The following NRXN3 variants were observed in gnomAD, a reference collection of about 807,000 sequenced individuals.
NRXN3 encodes neurexin III.
NRXN3 carries 32 observed loss-of-function variants against 137.6 expected under a neutral mutation model. The ratio of observed to expected loss-of-function variants is 0.23; its 90% CI spans 0.18 to 0.31. The LOEUF (loss-of-function observed/expected upper bound fraction) is 0.31. Among genes scored for constraint, NRXN3 ranks in the 10% least tolerant of loss-of-function variants. The pLI, the probability that NRXN3 is intolerant of heterozygous loss-of-function variation, is 1.00. For missense variants in NRXN3, 1,574 were observed against 2,062.5 expected, an observed-to-expected ratio of 0.76 and a Z score of 4.59; for synonymous variants, 798 against 784.5, an observed-to-expected ratio of 1.02 and a Z score of -0.29.
chr14:78,316,559 A>G (rs1368292144), intron 4 of NRXN3, among the ~76,000 whole-genome samples: 1 of 152,164 alleles, frequency 6.6e-6, no homozygotes, highest in Non-Finnish European at 1.5e-5. Flanking sequence ...TTGGAGGAGA[A>G]GGGAGCTGGG....
At chr14:78,239,479 A>G (rs560804722) in intron 1 of NRXN3, among the ~76,000 whole-genome samples, 2 of 152,124 alleles carry the variant, frequency 1.3e-5, no homozygotes, top group Non-Finnish European at 2.9e-5. Flanking sequence ...AAGGAATCAT[A>G]TTCTTAGAAA....
chr14:79,298,108 C>G (rs571006123), intron 15 of NRXN3, among the ~76,000 whole-genome samples: 3 of 152,020 alleles, frequency 2.0e-5, no homozygotes, highest in Admixed American at 6.6e-5. Flanking sequence ...AGTCCTGAAT[C>G]CTTTATTTCT....
intron 15 of NRXN3, among the ~76,000 whole-genome samples, chr14:79,221,235 G>A (rs1472303446): frequency 2.0e-5 from 3 of 152,096 alleles, no homozygotes; most frequent in Non-Finnish European, 4.4e-5. Flanking sequence ...TATCTTTATA[G>A]TAGAATCATT....
chr14:79,353,493 T>C (rs2093307620), intron 15 of NRXN3, among the ~76,000 whole-genome samples: 2 of 152,112 alleles, frequency 1.3e-5, no homozygotes, highest in African/African-American at 2.4e-5. Flanking sequence ...ATTTGAACTT[T>C]AGGAATCAAG....
At chr14:78,662,446 G>A (rs141730423) in intron 6 of NRXN3, among the ~76,000 whole-genome samples, 3 of 152,166 alleles carry the variant, frequency 2.0e-5, no homozygotes, top group East Asian at 1.9e-4. Flanking sequence ...TCTAGTGAGT[G>A]GAAGCTGGGT....
At chr14:79,227,755 T>TC in intron 15 of NRXN3, among the ~76,000 whole-genome samples, 1 of 98,538 alleles carries the variant, frequency 1.0e-5, no homozygotes, top group East Asian at 3.3e-4. Context: ...CCTTCCTTCC[T>TC]TCCTTCCTTC....
chr14:78,237,032 G>C (rs1289202436), intron 1 of NRXN3, among the ~76,000 whole-genome samples: 1 of 152,164 alleles, frequency 6.6e-6, no homozygotes, highest in Non-Finnish European at 1.5e-5. Context: ...TGAGGTTCTT[G>C]TATAAGAACA....
At chr14:78,456,468 G>C (rs900112397) in intron 4 of NRXN3, among the ~76,000 whole-genome samples, 6 of 152,182 alleles carry the variant, frequency 3.9e-5, no homozygotes, top group Admixed American at 3.9e-4. Flanking sequence ...GGGACTTCTT[G>C]CAACACTATT....
chr14:78,175,717 G>C (rs1325738905), intron 1 of NRXN3, among the ~76,000 whole-genome samples: 1 of 152,096 alleles, frequency 6.6e-6, no homozygotes, highest in African/African-American at 2.4e-5. Flanking sequence ...TCGGGGCAGG[G>C]ACTATGGATG....
intron 10 of NRXN3, among the ~76,000 whole-genome samples, chr14:78,863,799 T>C (rs536561384): frequency 1.3e-5 from 2 of 152,264 alleles, no homozygotes; most frequent in South Asian, 4.1e-4. Context: ...CACTTTCCTC[T>C]TTTTCATTGT....
intron 10 of NRXN3, among the ~76,000 whole-genome samples, chr14:78,814,550 G>A (rs567560899): frequency 5.3e-5 from 8 of 152,298 alleles, no homozygotes; most frequent in Non-Finnish European, 1.0e-4. Context: ...AGGAGGCGGA[G>A]GTTGCAGTGT....
intron 4 of NRXN3, among the ~76,000 whole-genome samples, chr14:78,533,246 C>T (rs10140172): frequency 0.07 from 10,633 of 151,754 alleles, 609 homozygotes; most frequent in African/African-American, 0.16. Context: ...CCACCACGCC[C>T]GGCTAATTTT....
chr14:78,520,916 A>G (rs1184498756), intron 4 of NRXN3, among the ~76,000 whole-genome samples: 3 of 152,182 alleles, frequency 2.0e-5, no homozygotes, highest in South Asian at 2.1e-4. Flanking sequence ...AGAAGTTAAT[A>G]TCTTTCTTTT....
At chr14:78,893,223 C>A (rs1489961181) in intron 10 of NRXN3, among the ~76,000 whole-genome samples, 1 of 151,982 alleles carries the variant, frequency 6.6e-6, no homozygotes, top group Non-Finnish European at 1.5e-5. Flanking sequence ...CTGCAATTTT[C>A]ATTGTGCCTC....
chr14:78,653,281 A>G (rs986742098), intron 6 of NRXN3, among the ~76,000 whole-genome samples: 9 of 152,184 alleles, frequency 5.9e-5, no homozygotes, highest in African/African-American at 2.2e-4. Context: ...GGATAGAATA[A>G]AGGTATAGAC....
At chr14:79,180,602 A>G (rs1253712197) in intron 15 of NRXN3, among the ~76,000 whole-genome samples, 1 of 152,078 alleles carries the variant, frequency 6.6e-6, no homozygotes. Flanking sequence ...TTAACAGCTT[A>G]CCCTGCATGG....
intron 19 of NRXN3, among the ~76,000 whole-genome samples, chr14:79,713,665 C>T (rs1457036093): frequency 6.8e-6 from 1 of 146,438 alleles, no homozygotes; most frequent in Non-Finnish European, 1.5e-5. Context: ...CTAAGAATTA[C>T]TGTACCACCA....
intron 15 of NRXN3, among the ~76,000 whole-genome samples, chr14:79,226,087 G>A (rs8008654): frequency 0.58 from 87,543 of 151,824 alleles, 25,784 homozygotes; most frequent in Non-Finnish European, 0.65. Flanking sequence ...TCACAGCTCT[G>A]GGGATTAGGA....
At chr14:78,503,487 G>A (rs1016314584) in intron 4 of NRXN3, among the ~76,000 whole-genome samples, 2 of 152,128 alleles carry the variant, frequency 1.3e-5, no homozygotes, top group African/African-American at 2.4e-5. Flanking sequence ...TGTCAGCTGG[G>A]ATCGTGATCT....
Sources: allele counts gnomAD v4.1 joint callset (sites outside exome capture counted in the v4.1 genomes callset), GRCh38; gene constraint gnomAD v4.1.1; transcripts MANE v1.5; gene names NCBI Gene and HGNC (gene_info 2026-07-23, HGNC 2026-07-21).